The following KANK1 variants were observed in gnomAD, a reference collection of about 807,000 sequenced individuals.
The protein encoded by KANK1 is KN motif and ankyrin repeat domains 1.
A neutral mutation model predicts 106.2 loss-of-function variants in KANK1; 109 were observed. The ratio of observed to expected loss-of-function variants is 1.03; its 90% CI spans 0.88 to 1.20. KANK1 has a LOEUF of 1.20. Ranked by LOEUF, KANK1 falls within the 50% of genes most tolerant of loss-of-function variation. The pLI is 0.00. For synonymous variants in KANK1, 873 were observed against 652.2 expected (o/e 1.34, Z -5.16); for missense variants, 2,399 against 1,710.7 (o/e 1.40, Z -7.10).
chr9:637,253 A>G (rs933685871), intron 1 of KANK1, among the ~76,000 whole-genome samples: 5 of 152,158 alleles, frequency 3.3e-5, no homozygotes, highest in African/African-American at 1.2e-4. Context: ...TCTATTCACA[A>G]TAATGATGTG....
chr9:659,739 A>C (rs1480336266), intron 1 of KANK1, among the ~76,000 whole-genome samples: 1 of 151,822 alleles, frequency 6.6e-6, no homozygotes, highest in African/African-American at 2.4e-5. Flanking sequence ...TCAAACAACC[A>C]GTTCTCGGGG....
intron 1 of KANK1, among the ~76,000 whole-genome samples, chr9:646,890 G>T (rs1839792445): frequency 6.6e-6 from 1 of 150,522 alleles, no homozygotes; most frequent in African/African-American, 2.5e-5. Context: ...TAGAGACAGG[G>T]TTTCACCATG....
chr9:706,871 A>G, intron 2 of KANK1: 1 of 985,490 alleles, frequency 1.0e-6, no homozygotes, highest in Non-Finnish European at 1.2e-6. Flanking sequence ...CTCTTTCATG[A>G]AGCAGTGACT....
At chr9:562,524 T>C (rs1448738401) in intron 1 of KANK1, among the ~76,000 whole-genome samples, 2 of 152,176 alleles carry the variant, frequency 1.3e-5, no homozygotes, top group African/African-American at 4.8e-5. Context: ...GATGGTGTAG[T>C]GCACTGAGAT....
At position 644,330 on chromosome 9, in the gene KANK1, T is replaced by G. The variant is rs116964507; in HGVS notation, c.-83-32560T>G. On this transcript the variant is annotated intron_variant, in intron 1 of 11. Transcript: ENST00000382297. ...GGTGACTACCTATGATTTGTGTGTATGTGCTACCCTTTTGAGAAGCATTAA... is the reference window on the plus strand; with the variant it reads ...GGTGACTACCTATGATTTGTGTGTAGGTGCTACCCTTTTGAGAAGCATTAA... 1.2e-3 allele frequency among the ~76,000 whole-genome samples: 177 copies of G among 151,104 alleles called. 4 individuals carry two copies. The East Asian group carries it at 0.028, about 24-fold the overall frequency.
chr9:658,812 T>A (rs1028684646), intron 1 of KANK1, among the ~76,000 whole-genome samples: 1 of 152,172 alleles, frequency 6.6e-6, no homozygotes, highest in African/African-American at 2.4e-5. Context: ...TGTGGGTCTA[T>A]TTCTGGGCTG....
intron 1 of KANK1, among the ~76,000 whole-genome samples, chr9:644,767 T>C (rs1301832520): frequency 1.3e-5 from 2 of 150,972 alleles, no homozygotes; most frequent in Non-Finnish European, 2.9e-5. Context: ...ATATCAAGCA[T>C]TAATATTACT....
At chr9:733,334 CA>C (rs537480518) in intron 6 of KANK1, 12 of 152,168 alleles carry the variant, frequency 7.9e-5, no homozygotes, top group Non-Finnish European at 1.8e-4. Context: ...TTTAATTTGG[CA>C]AATGAAAGTT....
At chr9:688,535 G>T (rs1054467780) in intron 2 of KANK1, among the ~76,000 whole-genome samples, 1 of 127,668 alleles carries the variant, frequency 7.8e-6, no homozygotes, top group Non-Finnish European at 1.7e-5. Flanking sequence ...GAACCCGAGA[G>T]GTGGAGGTCG....
At chr9:551,837 C>T (rs2061301020) in intron 1 of KANK1, among the ~76,000 whole-genome samples, 1 of 151,148 alleles carries the variant, frequency 6.6e-6, no homozygotes, top group Non-Finnish European at 1.5e-5. Flanking sequence ...TGCTTGAGCC[C>T]AGGAGTTGGA....
intron 1 of KANK1, among the ~76,000 whole-genome samples, chr9:504,960 TG>T (rs559305329): frequency 0.011 from 1,688 of 147,334 alleles, 41 homozygotes; most frequent in African/African-American, 0.038. Flanking sequence ...GGGGCGGTCC[TG>T]GGGGGGGGTC....
intron 1 of KANK1, among the ~76,000 whole-genome samples, chr9:528,499 T>G (rs1438070750): frequency 1.4e-4 from 15 of 104,862 alleles, no homozygotes; most frequent in African/African-American, 6.1e-4. Flanking sequence ...TTTTTTTTTT[T>G]GAGACGGAGT....
At chr9:571,359 A>C (rs1054633058) in intron 1 of KANK1, among the ~76,000 whole-genome samples, 1 of 152,236 alleles carries the variant, frequency 6.6e-6, no homozygotes, top group African/African-American at 2.4e-5. Flanking sequence ...CTTTGGCAAC[A>C]CGTGTTAATG....
At chr9:543,949 G>T (rs984809935) in intron 1 of KANK1, among the ~76,000 whole-genome samples, 2 of 151,724 alleles carry the variant, frequency 1.3e-5, no homozygotes, top group East Asian at 1.9e-4. Flanking sequence ...TACCTACCTG[G>T]CTATTTTCTT....
chr9:587,476 T>C (rs2135459520), intron 1 of KANK1, among the ~76,000 whole-genome samples: 1 of 152,310 alleles, frequency 6.6e-6, no homozygotes, highest in South Asian at 2.1e-4. Flanking sequence ...AAAATGGAGA[T>C]ACTCAATTTA....
intron 1 of KANK1, among the ~76,000 whole-genome samples, chr9:620,534 C>G (rs1051208581): frequency 5.9e-5 from 9 of 151,930 alleles, no homozygotes; most frequent in Admixed American, 1.3e-4. Flanking sequence ...TCCTGAGTAG[C>G]TGGGATTACG....
At chr9:718,170 G>C (rs1225471572) in intron 3 of KANK1, among the ~76,000 whole-genome samples, 1 of 151,928 alleles carries the variant, frequency 6.6e-6, no homozygotes, top group African/African-American at 2.4e-5. Flanking sequence ...ATGCTCAAAA[G>C]CACCAAAACA....
intron 2 of KANK1, among the ~76,000 whole-genome samples, chr9:695,483 T>C (rs1286342175): frequency 6.6e-6 from 1 of 151,892 alleles, no homozygotes; most frequent in Non-Finnish European, 1.5e-5. Context: ...ACACATCCCC[T>C]ACAGCTCCCT....
At chr9:472,127 A>T (rs2058032791) in intron 2 of KANK1, among the ~76,000 whole-genome samples, 1 of 152,198 alleles carries the variant, frequency 6.6e-6, no homozygotes. Context: ...CTTTTCTATC[A>T]GGGAATACAC....
Sources: allele counts gnomAD v4.1 joint callset (sites outside exome capture counted in the v4.1 genomes callset), GRCh38; gene constraint gnomAD v4.1.1; transcripts MANE v1.5; gene names NCBI Gene and HGNC (gene_info 2026-07-23, HGNC 2026-07-21).